ARHGAP10: variants seen among roughly 807,000 people sequenced by gnomAD.
ARHGAP10 encodes Rho GTPase activating protein 10, also known as rho GTPase-activating protein 10.
Under a neutral mutation model 108.6 loss-of-function variants are expected in ARHGAP10, and 87 were observed. That is an observed-to-expected ratio of 0.80 (90% confidence interval 0.67 to 0.96). ARHGAP10 has a LOEUF of 0.96. Among genes scored for constraint, ARHGAP10 ranks in the 40% least tolerant of loss-of-function variants. The pLI is 0.00. For synonymous variants in ARHGAP10, 347 were observed against 341.1 expected (o/e 1.02, Z -0.19); for missense variants, 939 against 954.5 (o/e 0.98, Z 0.21).
intron 1 of ARHGAP10, among the ~76,000 whole-genome samples, chr4:147,790,370 G>A (rs537385306): frequency 3.9e-5 from 6 of 152,252 alleles, no homozygotes; most frequent in South Asian, 2.1e-4. Context: ...TGGGGGAAAC[G>A]CAAACATTCA....
intron 1 of ARHGAP10, among the ~76,000 whole-genome samples, chr4:147,736,247 G>A (rs1728408345): frequency 6.6e-6 from 1 of 152,026 alleles, no homozygotes; most frequent in Admixed American, 6.5e-5. Context: ...GCCTGGACAA[G>A]AATTTAGGTC....
intron 1 of ARHGAP10, among the ~76,000 whole-genome samples, chr4:147,740,206 T>TG (rs1578986230): frequency 6.6e-6 from 1 of 152,048 alleles, no homozygotes; most frequent in East Asian, 1.9e-4. Flanking sequence ...TATAGGTGTG[T>TG]GCCACCAGGC....
intron 20 of ARHGAP10, among the ~76,000 whole-genome samples, chr4:148,061,952 G>T (rs1729639402): frequency 6.6e-6 from 1 of 152,146 alleles, no homozygotes; most frequent in Non-Finnish European, 1.5e-5. Flanking sequence ...CACAGGGGGA[G>T]TATTGGGGGA....
At chr4:147,923,330 A>G (rs888392434) in intron 13 of ARHGAP10, among the ~76,000 whole-genome samples, 52 of 152,284 alleles carry the variant, frequency 3.4e-4, no homozygotes, top group African/African-American at 1.1e-3. Context: ...TGAGCAGTGC[A>G]TTGTCTCTTT....
chr4:147,955,692 T>C (rs1331044925), intron 16 of ARHGAP10, among the ~76,000 whole-genome samples: 1 of 152,082 alleles, frequency 6.6e-6, no homozygotes, highest in African/African-American at 2.4e-5. Flanking sequence ...AAATGTACAA[T>C]AATGGCATGA....
At chr4:147,873,954 C>G (rs1734954782) in intron 7 of ARHGAP10, among the ~76,000 whole-genome samples, 5 of 151,362 alleles carry the variant, frequency 3.3e-5, no homozygotes, top group Admixed American at 3.3e-4. Context: ...CAACTGAGTT[C>G]TACTTTCTTT....
intron 8 of ARHGAP10, among the ~76,000 whole-genome samples, chr4:147,876,754 G>GT (rs1189811787): frequency 6.6e-6 from 1 of 152,178 alleles, no homozygotes; most frequent in Non-Finnish European, 1.5e-5. Context: ...CAACATAACA[G>GT]TAGTGGTAAA....
chr4:147,897,585 A>G (rs1736047346), intron 10 of ARHGAP10, among the ~76,000 whole-genome samples: 1 of 152,166 alleles, frequency 6.6e-6, no homozygotes, highest in African/African-American at 2.4e-5. Flanking sequence ...TAAAATAATC[A>G]TAATATCTGC....
intron 1 of ARHGAP10, among the ~76,000 whole-genome samples, chr4:147,818,909 A>G (rs1002462575): frequency 7.2e-5 from 11 of 152,266 alleles, no homozygotes; most frequent in Non-Finnish European, 1.2e-4. Context: ...GAAATTTTGC[A>G]TAATGAACTC....
At chr4:147,891,256 TA>T (rs756731609) in intron 10 of ARHGAP10, among the ~76,000 whole-genome samples, 25 of 152,096 alleles carry the variant, frequency 1.6e-4, no homozygotes, top group Non-Finnish European at 3.1e-4. Context: ...AATGGATAAA[TA>T]AAAGGTGGTA....
chr4:147,786,566 G>A (rs1008671826), intron 1 of ARHGAP10, among the ~76,000 whole-genome samples: 8 of 152,188 alleles, frequency 5.3e-5, no homozygotes. Flanking sequence ...GAAACGTTGA[G>A]TTTCAATGTA....
intron 13 of ARHGAP10, among the ~76,000 whole-genome samples, chr4:147,916,279 T>C (rs1736979072): frequency 6.6e-6 from 1 of 152,218 alleles, no homozygotes; most frequent in Non-Finnish European, 1.5e-5. Context: ...TCATTTCATG[T>C]CTTTCTGTTT....
At chr4:148,025,308 A>G (rs1042369407) in intron 19 of ARHGAP10, among the ~76,000 whole-genome samples, 9 of 150,804 alleles carry the variant, frequency 6.0e-5, no homozygotes, top group Admixed American at 2.0e-4. Flanking sequence ...TTTGTTCTAC[A>G]TTTTGTATTT....
rs921778539 is a variant in ARHGAP10, at chr4:147,939,849, G to A, written c.1253G>A (p.Arg418Lys). 7.4e-6 allele frequency: 12 copies of A among 1,613,960 alleles called. No individual in the cohort carries two copies. The highest frequency in any genetic ancestry group is 1.0e-5 in the Non-Finnish European group (12 of 1,179,956). ...GGTATAAATGACCAAGGATTGTACA[G>A]AGTTGTGGGGGTGAGTTCAAAGGTC... ...TRGINDQGLY[R>K]VVGVSSKVQR... The change falls in exon 14 of 23, where the codon AGA becomes AAA. Residue 418 changes from arginine to lysine, a missense_variant. Arg to Lys is a conservative substitution (Grantham distance 26). Transcript: ENST00000336498.
chr4:148,011,497 A>G (rs1741170333), intron 18 of ARHGAP10, among the ~76,000 whole-genome samples: 1 of 152,232 alleles, frequency 6.6e-6, no homozygotes, highest in South Asian at 2.1e-4. Flanking sequence ...CCTCACAGAC[A>G]TGGCTGCCTA....
intron 1 of ARHGAP10, among the ~76,000 whole-genome samples, chr4:147,735,593 A>G (rs1282067242): frequency 2.6e-5 from 4 of 152,162 alleles, no homozygotes; most frequent in Non-Finnish European, 5.9e-5. Context: ...AGGAATGTGG[A>G]CTTTATCTTG....
At chr4:147,854,396 A>G (rs987303150) in intron 4 of ARHGAP10, among the ~76,000 whole-genome samples, 20 of 152,126 alleles carry the variant, frequency 1.3e-4, no homozygotes, top group African/African-American at 4.8e-4. Flanking sequence ...GACGAGGACT[A>G]TCTGGTTTTC....
chr4:147,857,753 T>C, intron 5 of ARHGAP10, 99 bp downstream of exon 5: 6 of 1,053,598 alleles, frequency 5.7e-6, no homozygotes, highest in Non-Finnish European at 7.5e-6. Context: ...CATCTGGCAT[T>C]ATATAGAGAT....
chr4:147,782,657 T>C (rs1053424457), intron 1 of ARHGAP10: 1 of 151,588 alleles, frequency 6.6e-6, no homozygotes, highest in Non-Finnish European at 1.5e-5. Flanking sequence ...GCTGCATTTA[T>C]ATATTAGCAG....
Sources: gnomAD v4.1 joint callset for allele counts (sites outside exome capture counted in the v4.1 genomes callset) on GRCh38, gnomAD v4.1.1 for gene constraint, MANE v1.5 for transcripts, NCBI Gene and HGNC (gene_info 2026-07-23, HGNC 2026-07-21) for gene names.